CCSER1: variants seen among roughly 807,000 people sequenced by gnomAD.
CCSER1 encodes serine-rich coiled-coil domain-containing protein 1.
In CCSER1, 41 loss-of-function variants were observed where a neutral mutation model predicts 82.0. The observed-to-expected ratio is 0.50, with a 90% CI of 0.39 to 0.65. The LOEUF (loss-of-function observed/expected upper bound fraction) is 0.65, where lower values mean the gene tolerates loss of function less well. Ranked by LOEUF, CCSER1 falls within the 30% of genes least tolerant of loss-of-function variation. The probability of loss-of-function intolerance (pLI) is 0.00; values close to 1 mark genes in which losing one functional copy is unlikely to be tolerated. For missense variants in CCSER1, 1,119 were observed against 1,064.2 expected (o/e 1.05, Z -0.72); for synonymous variants, 414 against 383.9 (o/e 1.08, Z -0.92).
In CCSER1 at chr4:90,312,789, A is replaced by G. The variant is rs537044417; in HGVS notation, c.1325-74A>G. On this transcript the variant is annotated intron_variant, in intron 2 of 10. Coordinates refer to ENST00000509176, the MANE Select transcript of CCSER1 (RefSeq NM_001145065.2). ...TGAATAACACTAAGAGTTTTTCATG[A>G]TCTTTCAGTGGGACATTTGTAAAAA... 38 of 1,162,718 alleles carry G rather than the reference A, an allele frequency of 3.3e-5. No individual in the cohort carries two copies. The African/African-American group carries it at 5.2e-4, about 16-fold the overall frequency. The allele number at this position is 1,162,718 out of a possible 1,614,324, so 72.0% of individuals were successfully genotyped here. A position where few individuals can be genotyped will look rare whatever the true frequency, so the allele number is the denominator to read the frequency against.
intron 1 of CCSER1, among the ~76,000 whole-genome samples, chr4:90,162,334 A>G (rs1230580293): frequency 6.6e-6 from 1 of 152,064 alleles, no homozygotes; most frequent in Non-Finnish European, 1.5e-5. Flanking sequence ...TGTTTTATCA[A>G]TATTTAATAA....
intron 10 of CCSER1, among the ~76,000 whole-genome samples, chr4:91,572,757 T>C (rs1415377556): frequency 1.3e-5 from 2 of 149,456 alleles, no homozygotes; most frequent in Admixed American, 6.7e-5. Flanking sequence ...AGCTCAGGAG[T>C]TCAAGACCAG....
At chr4:90,244,739 G>T (rs1004522275) in intron 1 of CCSER1, among the ~76,000 whole-genome samples, 2 of 152,142 alleles carry the variant, frequency 1.3e-5, no homozygotes, top group African/African-American at 2.4e-5. Context: ...CCATAATCCA[G>T]TCACTTCCTA....
intron 10 of CCSER1, among the ~76,000 whole-genome samples, chr4:91,443,690 A>C (rs1038900459): frequency 6.7e-6 from 1 of 148,786 alleles, no homozygotes; most frequent in Non-Finnish European, 1.5e-5. Context: ...AGAAAATAAT[A>C]TTAGCGATCA....
intron 5 of CCSER1, among the ~76,000 whole-genome samples, chr4:90,592,273 T>G (rs1257952880): frequency 6.6e-6 from 1 of 152,152 alleles, no homozygotes; most frequent in Non-Finnish European, 1.5e-5. Flanking sequence ...TCCCCCTAAT[T>G]GCAGGCATTA....
intron 9 of CCSER1, among the ~76,000 whole-genome samples, chr4:90,974,210 G>T (rs1405172982): frequency 6.6e-6 from 1 of 151,378 alleles, no homozygotes; most frequent in Non-Finnish European, 1.5e-5. Context: ...GATTTTAAGT[G>T]TTCTCAATAT....
intron 10 of CCSER1, among the ~76,000 whole-genome samples, chr4:91,301,012 G>A (rs1744621520): frequency 6.6e-6 from 1 of 151,890 alleles, no homozygotes; most frequent in Non-Finnish European, 1.5e-5. Flanking sequence ...AAATTTAGCT[G>A]AGAGGAAATA....
intron 10 of CCSER1, among the ~76,000 whole-genome samples, chr4:91,444,808 GT>G (rs1755446082): frequency 6.6e-6 from 1 of 152,174 alleles, no homozygotes; most frequent in South Asian, 2.1e-4. Context: ...TGGTGAAAAC[GT>G]TTATATATTT....
intron 5 of CCSER1, among the ~76,000 whole-genome samples, chr4:90,607,410 T>C (rs1035094542): frequency 2.6e-5 from 4 of 152,116 alleles, no homozygotes; most frequent in African/African-American, 9.7e-5. Flanking sequence ...CCAATAGAAA[T>C]TTATTGTCTC....
chr4:91,256,211 GC>G (rs1412271813), intron 10 of CCSER1, among the ~76,000 whole-genome samples: 1 of 152,132 alleles, frequency 6.6e-6, no homozygotes, highest in East Asian at 1.9e-4. Context: ...GATGAAAGAA[GC>G]CCTGGTCTCC....
Position 90,948,111 on chromosome 4 carries a change from A to T in CCSER1, c.2172+24664A>T, listed in dbSNP as rs888214928. ...GCCCTTTTTTCAGTGTTGAGTGTAA[A>T]GTGAAATCCTTGGTACTATTTTTTT... On this transcript the variant is annotated intron_variant, in intron 9 of 10. Coordinates refer to ENST00000509176, the MANE Select transcript of CCSER1 (RefSeq NM_001145065.2). 4.6e-5 allele frequency among the ~76,000 whole-genome samples: 7 copies of T among 152,098 alleles called. No homozygotes were observed. In the East Asian group the frequency reaches 5.8e-4, roughly 13 times the overall value.
intron 9 of CCSER1, among the ~76,000 whole-genome samples, chr4:90,938,317 T>G (rs1426983682): frequency 6.6e-6 from 1 of 152,080 alleles, no homozygotes; most frequent in African/African-American, 2.4e-5. Flanking sequence ...TATTTAATTT[T>G]CTTGCAGTTT....
intron 10 of CCSER1, among the ~76,000 whole-genome samples, chr4:91,556,500 A>C (rs1245053851): frequency 1.3e-5 from 2 of 151,138 alleles, no homozygotes; most frequent in African/African-American, 4.9e-5. Context: ...ACAAACCTGC[A>C]CATTGTGCAT....
chr4:90,643,112 T>C (rs1726876329), intron 6 of CCSER1, among the ~76,000 whole-genome samples: 1 of 152,210 alleles, frequency 6.6e-6, no homozygotes, highest in African/African-American at 2.4e-5. Context: ...TTCACTTCTC[T>C]TGAAAACATG....
intron 8 of CCSER1, among the ~76,000 whole-genome samples, chr4:90,825,450 C>T (rs1760285964): frequency 6.6e-6 from 1 of 152,038 alleles, no homozygotes; most frequent in African/African-American, 2.4e-5. Context: ...TTTAAGTAGT[C>T]AGTGGGACAT....
chr4:91,070,016 G>A (rs1482912757), intron 9 of CCSER1, among the ~76,000 whole-genome samples: 1 of 143,470 alleles, frequency 7.0e-6, no homozygotes, highest in Non-Finnish European at 1.5e-5. Context: ...AAATAGTCTT[G>A]CTCTGTCACC....
chr4:90,794,065 C>T (rs62314060), intron 7 of CCSER1, among the ~76,000 whole-genome samples: 10,082 of 152,144 alleles, frequency 0.066, 453 homozygotes, highest in Admixed American at 0.12. Flanking sequence ...GGTATTAGAC[C>T]TTTATCAGAT....
chr4:90,213,317 T>C (rs1465819378), intron 1 of CCSER1, among the ~76,000 whole-genome samples: 1 of 151,868 alleles, frequency 6.6e-6, no homozygotes, highest in Non-Finnish European at 1.5e-5. Flanking sequence ...GGGAAGGAGA[T>C]TGTGAGATGA....
chr4:90,913,431 A>G (rs1403392554), intron 8 of CCSER1, among the ~76,000 whole-genome samples: 1 of 152,198 alleles, frequency 6.6e-6, no homozygotes, highest in African/African-American at 2.4e-5. Context: ...CTTTACAGAC[A>G]AGCAAATGCT....
Sources: gnomAD v4.1 joint callset for allele counts (sites outside exome capture counted in the v4.1 genomes callset) on GRCh38, gnomAD v4.1.1 for gene constraint, MANE v1.5 for transcripts, NCBI Gene and HGNC (gene_info 2026-07-23, HGNC 2026-07-21) for gene names.